The following SLITRK3 variants were observed in gnomAD, a reference collection of about 807,000 sequenced individuals.
SLITRK3 encodes SLIT and NTRK-like protein 3.
In SLITRK3, 16 loss-of-function variants were observed where a neutral mutation model predicts 63.6. The ratio of observed to expected loss-of-function variants is 0.25; its 90% confidence interval spans 0.17 to 0.38. SLITRK3 has a LOEUF of 0.38. SLITRK3 is among the 10% of genes least tolerant of loss of function. The pLI is 1.00. For synonymous variants in SLITRK3, 547 were observed against 451.6 expected (o/e 1.21, Z -2.68); for missense variants, 1,117 against 1,181.4 (o/e 0.95, Z 0.80).
chr3:165,187,835 A>G lies in SLITRK3; in HGVS notation c.*62T>C. ...CAAGTGTAAAGGGAGCAAGGGATAT[A>G]TTTCTTTTATTTTCCTTTTCTTTTG... On this transcript the variant is annotated 3_prime_UTR_variant, in exon 2 of 2. Coordinates refer to ENST00000475390, the MANE Select transcript of SLITRK3 (RefSeq NM_001318810.2). 7.3e-7 allele frequency: 1 copy of G among 1,366,788 alleles called. No homozygotes were observed. The highest frequency in any genetic ancestry group is 1.0e-6 in the Non-Finnish European group (1 of 995,596). 84.7% of individuals were successfully genotyped at this position (1,366,788 alleles called of 1,614,324 possible). A position where few individuals can be genotyped will look rare whatever the true frequency, so the allele number is the denominator to read the frequency against.
chr3:165,188,729 A>G lies in SLITRK3; in HGVS notation c.2102T>C (p.Ile701Thr), dbSNP rs776778936. The change falls in exon 2 of 2, where the codon ATC becomes ACC. Residue 701 changes from isoleucine (I) to threonine (T), a missense_variant. Physicochemically the swap from Ile to Thr is moderately conservative, Grantham distance 89. This residue lies in a region of SLITRK3 where 499 missense variants were observed against 463.6 expected (regional missense o/e 1.08). Coordinates refer to ENST00000475390, the MANE Select transcript of SLITRK3 (RefSeq NM_001318810.2). Reference sequence around the variant, plus strand: ...AAACAGCCTGTGGCATTGCATTTGGATGCCAGTAAGGTCCACACCTTCCTG... The same window carrying G: ...AAACAGCCTGTGGCATTGCATTTGGGTGCCAGTAAGGTCCACACCTTCCTG... The part of the protein sequence containing the change: ...KRQEGVDLTG[I>T]QMQCHRLFED... 5 of 1,614,010 alleles carry G rather than the reference A, an allele frequency of 3.1e-6. No individual in the cohort carries two copies. Among genetic ancestry groups the G allele is most frequent in the Non-Finnish European group, 4.2e-6 (5 of 1,180,042 alleles).
chr3:165,187,598 A>G lies in SLITRK3; in HGVS notation c.*299T>C, dbSNP rs1718001402. The G allele has an allele frequency of 3.7e-6, 1 of 271,198 alleles. No individual in the cohort carries two copies. 16.8% of individuals were successfully genotyped at this position (271,198 alleles called of 1,614,324 possible). ...ATCCCCAGTATATCTTATACATGGC[A>G]CAGTCAAAGTCTCAAGTTTCAGTAT... On this transcript the variant is annotated 3_prime_UTR_variant, in exon 2 of 2. Transcript: ENST00000475390.
rs749442929 is a variant in SLITRK3, at chr3:165,187,960, C to G, written c.2871G>C (p.Arg957Ser). The stretch of plus-strand genomic sequence containing the variant: ...AATCCGGCTTGGTTTGAAGTTTGGC[C>G]CTTAACTCGAGGTAATCACTTTTTT... ...QTQKSDYLEL[R>S]AKLQTKPDYL... The change falls in exon 2 of 2, where the codon AGG becomes AGC. Residue 957 changes from arginine to serine, a missense_variant. Arg to Ser is a moderately radical substitution (Grantham distance 110). Coordinates refer to ENST00000475390, the MANE Select transcript of SLITRK3 (RefSeq NM_001318810.2). 10 of 1,613,686 alleles carry G rather than the reference C, an allele frequency of 6.2e-6. No homozygotes were observed. In the Admixed American group the frequency reaches 1.5e-4, roughly 24 times the overall value.
At chr3:165,194,793 A>T (rs1718362014) in intron 1 of SLITRK3, among the ~76,000 whole-genome samples, 1 of 152,104 alleles carries the variant, frequency 6.6e-6, no homozygotes, top group South Asian at 2.1e-4. Context: ...TTATTTCTTG[A>T]ACTAAAACCC....
Position 165,190,847 on chromosome 3 carries a change from C to G in SLITRK3, c.-17G>C. 1 of 1,541,824 alleles carries G rather than the reference C, an allele frequency of 6.5e-7. No individual in the cohort carries two copies. The stretch of plus-strand genomic sequence containing the variant: ...AGGTTTCATCGTTCGTGGTTGATTA[C>G]AAAACTGCAACAGAAATAAAAATGC... On this transcript the variant is annotated 5_prime_UTR_variant, in exon 2 of 2. Coordinates refer to ENST00000475390, the MANE Select transcript of SLITRK3 (RefSeq NM_001318810.2).
At position 165,188,393 on chromosome 3, in the gene SLITRK3, T is replaced by G. The variant is rs763407868; in HGVS notation, c.2438A>C (p.Glu813Ala). Residue 813 changes from glutamate (E) to alanine (A), a missense_variant, in exon 2 of 2, where the codon GAA (glutamate) becomes GCA (alanine). This residue lies in a region of SLITRK3 where 499 missense variants were observed against 463.6 expected (regional missense o/e 1.08). Transcript: ENST00000475390. ...TGCTAGGGCCCACTCCTTCTCTTTTTCCAGCAAGGTCCGGTAGTTACTATG... is the reference window on the plus strand; with the variant it reads ...TGCTAGGGCCCACTCCTTCTCTTTTGCCAGCAAGGTCCGGTAGTTACTATG... ...ENHSNYRTLLEKEKEWALAVS... is the reference protein window; with the variant it reads ...ENHSNYRTLLAKEKEWALAVS... 87 of 1,613,922 alleles carry G rather than the reference T, an allele frequency of 5.4e-5. No individual in the cohort carries two copies. In the South Asian group the frequency reaches 9.1e-4, roughly 17 times the overall value.
intron 1 of SLITRK3, among the ~76,000 whole-genome samples, chr3:165,195,265 T>C (rs1718376838): frequency 6.6e-6 from 1 of 152,176 alleles, no homozygotes; most frequent in Non-Finnish European, 1.5e-5. Flanking sequence ...CCTTTTTCCT[T>C]CTACCTCTTA....
Position 165,191,417 on chromosome 3 carries a change from G to T in SLITRK3, c.-21-566C>A, listed in dbSNP as rs572002283. Among the ~76,000 whole-genome samples the T allele has an allele frequency of 1.2e-4, 18 of 152,292 alleles. No individual in the cohort carries two copies. In the South Asian group the frequency reaches 3.5e-3, roughly 30 times the overall value. ...TATCAGATGTTGAGATGTGTAAAAT[G>T]ATCAGCATCTCAGGAAAACTTAAGA... On this transcript the variant is annotated intron_variant, in intron 1 of 1. Coordinates refer to ENST00000475390, the MANE Select transcript of SLITRK3 (RefSeq NM_001318810.2).
In SLITRK3 at chr3:165,189,633, T is replaced by C. The variant is rs758476582; in HGVS notation, c.1198A>G (p.Ile400Val). 4.0e-5 allele frequency: 64 copies of C among 1,614,152 alleles called. 1 individual carries two copies. The highest frequency in any genetic ancestry group is 5.3e-5 in the Non-Finnish European group (62 of 1,180,048). The change falls in exon 2 of 2, where the codon ATT becomes GTT. Residue 400 changes from isoleucine to valine, a missense_variant. Ile to Val is a conservative substitution (Grantham distance 29, BLOSUM62 3). Around this residue, in one of 4 missense-constraint regions of SLITRK3, gnomAD observed 452 missense variants for 495.3 expected, o/e 0.91. Transcript: ENST00000475390. The surrounding 1 kb of genome is among the most constrained non-coding windows in gnomAD (Gnocchi z 4.0). ...AAGGGCCTTGGAAGAAGTTCAGAAA[T>C]GTTATTAAATCCTCGCTCTTTGCAG... Reference protein sequence around the residue: ...VNCKERGFNNISELLPRPLNA... With the variant: ...VNCKERGFNNVSELLPRPLNA...
Position 165,189,831 on chromosome 3 carries a change from T to G in SLITRK3, c.1000A>C (p.Lys334Gln). The change falls in exon 2 of 2, where the codon AAG becomes CAG. Residue 334 changes from lysine to glutamine, a missense_variant. Lys to Gln is a moderately conservative substitution (Grantham distance 53). Coordinates refer to ENST00000475390, the MANE Select transcript of SLITRK3 (RefSeq NM_001318810.2). The surrounding 1 kb of genome is among the most constrained non-coding windows in gnomAD (Gnocchi z 4.0). ...VEYKSSNKQP[K>Q]PTKQPRTPRP... ...GGTGTTCGAGGCTGTTTGGTGGGCT[T>G]AGGCTGTTTATTTGAGGACTTGTAT... 6.2e-7 allele frequency: 1 copy of G among 1,614,110 alleles called. No homozygotes were observed. Among genetic ancestry groups the G allele is most frequent in the Non-Finnish European group, 8.5e-7 (1 of 1,179,998 alleles).
At position 165,188,255 on chromosome 3, in the gene SLITRK3, C is replaced by G; in HGVS notation, c.2576G>C (p.Gly859Ala). Residue 859 changes from glycine to alanine, a missense_variant, in exon 2 of 2, where the codon GGG becomes GCG. By Grantham distance (60) the Gly-to-Ala change is moderately conservative. Coordinates refer to ENST00000475390, the MANE Select transcript of SLITRK3 (RefSeq NM_001318810.2). The stretch of plus-strand genomic sequence containing the variant: ...ACCATTTTTCTCATGGTGGCGGAAC[C>G]CTGCCAAGTCTCCCCCAGTTCCCCC... Reference protein sequence around the residue: ...VVGGTGGDLAGFRHHEKNGGV... With the variant: ...VVGGTGGDLAAFRHHEKNGGV... The G allele has an allele frequency of 6.2e-7, 1 of 1,613,740 alleles. No individual in the cohort carries two copies. The highest frequency in any genetic ancestry group is 8.5e-7 in the Non-Finnish European group (1 of 1,179,870).
At chr3:165,196,910 TCTCTCTCTCTCTCTCTC>T (rs1718455530), upstream of SLITRK3, 2 of 145,994 alleles carry the variant, frequency 1.4e-5, no homozygotes, top group Admixed American at 1.4e-4. Context: ...TCTCTCTCTC[TCTCTCTCTCTCTCTCTC>T]CTCTCTCTGT....
At position 165,188,620 on chromosome 3, in the gene SLITRK3, A is replaced by G; in HGVS notation, c.2211T>C (p.Gly737=). ...LSSPEKAPPV[G]HVYEYIPHPV... is the part of the protein sequence containing the mutation. ...GGTGGGGGATGTACTCATACACATG[A>G]CCCACGGGAGGGGCCTTCTCTGGAG... The change falls in exon 2 of 2, where the codon GGT becomes GGC. Residue 737 remains glycine (G), a synonymous_variant. Coordinates refer to ENST00000475390, the MANE Select transcript of SLITRK3 (RefSeq NM_001318810.2). The G allele has an allele frequency of 6.2e-7, 1 of 1,613,340 alleles. No individual in the cohort carries two copies.
intron 1 of SLITRK3, 77 bp from the exon 2 acceptor site, chr3:165,190,928 AT>A: frequency 9.7e-7 from 1 of 1,028,554 alleles, no homozygotes; most frequent in Non-Finnish European, 1.4e-6. Flanking sequence ...CATGTGGGGC[AT>A]TTTAAGAGCT....
chr3:165,190,278 T>A lies in SLITRK3; in HGVS notation c.553A>T (p.Ile185Phe). The A allele has an allele frequency of 6.2e-7, 1 of 1,614,126 alleles. No homozygotes were observed. ...LRVLILNDNL[I>F]PMLPTNLFKA... is the part of the protein sequence containing the mutation. Reference sequence around the variant, plus strand: ...AATAAATTGGTTGGAAGCATGGGGATGAGATTATCATTTAAAATCAGAACC... The same window carrying A: ...AATAAATTGGTTGGAAGCATGGGGAAGAGATTATCATTTAAAATCAGAACC... Residue 185 changes from isoleucine (I) to phenylalanine (F), a missense_variant, in exon 2 of 2, where the codon ATC becomes TTC. Transcript: ENST00000475390.
In SLITRK3 at chr3:165,189,485, T is replaced by C. The variant is rs1247208020; in HGVS notation, c.1346A>G (p.Asp449Gly). 6.2e-7 allele frequency: 1 copy of C among 1,613,584 alleles called. No individual in the cohort carries two copies. The highest frequency in any genetic ancestry group is 1.3e-5 in the African/African-American group (1 of 74,918). The change falls in exon 2 of 2, where the codon GAT becomes GGT. Residue 449 changes from aspartate (D) to glycine (G), a missense_variant. By Grantham distance (94) the Asp-to-Gly change is moderately conservative. Transcript: ENST00000475390. This position sits in a 1 kb window ranked among gnomAD's most constrained non-coding sequence, Gnocchi z 4.0. ...GTTGGGCAAGTTGATAAAGGCCCCATCTTGGACATAGGAAATACGATTGTT... is the reference window on the plus strand; with the variant it reads ...GTTGGGCAAGTTGATAAAGGCCCCACCTTGGACATAGGAAATACGATTGTT... ...LGNNRISYVQ[D>G]GAFINLPNLK...
intron 1 of SLITRK3, among the ~76,000 whole-genome samples, chr3:165,193,528 A>G (rs565440609): frequency 4.6e-5 from 7 of 152,104 alleles, no homozygotes; most frequent in Non-Finnish European, 8.8e-5. Flanking sequence ...GGTGTCCCGA[A>G]TAAGAGCTCA....
In SLITRK3 at chr3:165,187,942, CTTGGT is replaced by C; in HGVS notation, c.2884_2888del (p.Thr962AlafsTer57). The C allele has an allele frequency of 6.2e-7, 1 of 1,613,586 alleles. No homozygotes were observed. The highest frequency in any genetic ancestry group is 8.5e-7 in the Non-Finnish European group (1 of 1,179,932). On this transcript the variant is annotated frameshift_variant, in exon 2 of 2. Transcript: ENST00000475390. LOFTEE classifies it high-confidence loss of function. ...TCTCCAGGACTTCGAGGTAATCCGGCTTGGTTTGAAGTTTGGCCCTTAACTCGAGG... is the reference window on the plus strand; with the variant it reads ...TCTCCAGGACTTCGAGGTAATCCGGCTTGAAGTTTGGCCCTTAACTCGAGG...
rs1309844890 is a variant in SLITRK3, at chr3:165,190,544, C to T, written c.287G>A (p.Ser96Asn). The change falls in exon 2 of 2, where the codon AGT becomes AAT. Residue 96 changes from serine (S) to asparagine (N), a missense_variant. Physicochemically the swap from Ser to Asn is conservative, Grantham distance 46. Transcript: ENST00000475390. ...RNSMRKLYTN[S>N]FLHLNNAVSI... The stretch of plus-strand genomic sequence containing the variant: ...CACAGCATTATTCAAATGAAGAAAA[C>T]TGTTGGTATATAATTTCCTCATAGA... 5 of 1,613,734 alleles carry T rather than the reference C, an allele frequency of 3.1e-6. No individual in the cohort carries two copies. The highest frequency in any genetic ancestry group is 1.3e-5 in the African/African-American group (1 of 74,918).
Sources: gnomAD v4.1 joint callset for allele counts (sites outside exome capture counted in the v4.1 genomes callset) on GRCh38, gnomAD v4.1.1 for gene constraint, gnomAD v4.1.1 regional missense constraint, Gnocchi (gnomAD v3.1) non-coding constraint, MANE v1.5 for transcripts, NCBI Gene and HGNC (gene_info 2026-07-23, HGNC 2026-07-21) for gene names.